The following KIAA0825 variants were observed in gnomAD, a reference collection of about 807,000 sequenced individuals.
The protein encoded by KIAA0825 is uncharacterized protein KIAA0825.
In KIAA0825, 119 loss-of-function variants were observed where a neutral mutation model predicts 147.6. The ratio of observed to expected loss-of-function variants is 0.81; its 90% CI spans 0.69 to 0.94. The LOEUF (loss-of-function observed/expected upper bound fraction) is 0.94. KIAA0825 is among the 40% of genes least tolerant of loss of function. The pLI, the probability that KIAA0825 is intolerant of heterozygous loss-of-function variation, is 0.00. For missense variants in KIAA0825, 1,381 were observed against 1,472.7 expected, an observed-to-expected ratio of 0.94 and a Z score of 1.02; for synonymous variants, 470 against 518.1, an observed-to-expected ratio of 0.91 and a Z score of 1.26.
At chr5:94,296,423 G>A (rs146255481) in intron 20 of KIAA0825, among the ~76,000 whole-genome samples, 2 of 152,004 alleles carry the variant, frequency 1.3e-5, no homozygotes, top group African/African-American at 2.4e-5. Flanking sequence ...ATTTTGTCTC[G>A]CTGGTGTTCC....
At chr5:94,470,565 T>C (rs1218022904) in intron 9 of KIAA0825, among the ~76,000 whole-genome samples, 1 of 152,242 alleles carries the variant, frequency 6.6e-6, no homozygotes, top group African/African-American at 2.4e-5. Flanking sequence ...ATCAATTATC[T>C]CATAAACTGT....
At chr5:94,605,665 C>T (rs887587775) in intron 1 of KIAA0825, among the ~76,000 whole-genome samples, 1 of 152,114 alleles carries the variant, frequency 6.6e-6, no homozygotes, top group Non-Finnish European at 1.5e-5. Context: ...AGACAAAAAC[C>T]ACATGATTAT....
intron 20 of KIAA0825, among the ~76,000 whole-genome samples, chr5:94,155,977 A>C (rs924352033): frequency 5.3e-5 from 8 of 152,218 alleles, no homozygotes; most frequent in African/African-American, 1.9e-4. Context: ...TATGTGGGTG[A>C]AATTGGGTAT....
intron 5 of KIAA0825, among the ~76,000 whole-genome samples, chr5:94,496,877 C>T (rs1449486420): frequency 6.6e-6 from 1 of 152,060 alleles, no homozygotes; most frequent in Non-Finnish European, 1.5e-5. Context: ...TGTTTGCAAG[C>T]CGCTGCGGTT....
intron 20 of KIAA0825, among the ~76,000 whole-genome samples, chr5:94,252,247 A>G (rs1005119941): frequency 6.6e-6 from 1 of 152,032 alleles, no homozygotes; most frequent in African/African-American, 2.4e-5. Context: ...AAGAGCTACA[A>G]ATCAGAGGCT....
intron 2 of KIAA0825, among the ~76,000 whole-genome samples, chr5:94,582,225 G>A (rs1441223262): frequency 6.6e-6 from 1 of 152,178 alleles, no homozygotes; most frequent in Non-Finnish European, 1.5e-5. Context: ...TTGTGTAGAA[G>A]ACTTGGTTAA....
chr5:94,482,162 A>T (rs906835377), intron 6 of KIAA0825, among the ~76,000 whole-genome samples: 4 of 152,108 alleles, frequency 2.6e-5, no homozygotes, highest in African/African-American at 9.7e-5. Flanking sequence ...GAAAATATTT[A>T]TTGTATCTCT....
chr5:94,579,274 C>G (rs2152349409), intron 2 of KIAA0825, among the ~76,000 whole-genome samples: 1 of 152,306 alleles, frequency 6.6e-6, no homozygotes, highest in Non-Finnish European at 1.5e-5. Context: ...ATATAACCTT[C>G]TCCTTATATA....
At chr5:94,568,847 G>A (rs74607802) in intron 2 of KIAA0825, 8 of 157,390 alleles carry the variant, frequency 5.1e-5, no homozygotes, top group African/African-American at 7.3e-5. Context: ...CCAAACCTCC[G>A]CCTCCATCAT....
At position 94,150,966 on chromosome 5, in the gene KIAA0825, A is replaced by G. The variant is rs1408575505; in HGVS notation, c.*3041T>C. Among the ~76,000 whole-genome samples, 1 of 152,196 alleles carries G rather than the reference A, an allele frequency of 6.6e-6. No homozygotes were observed. The highest frequency in any genetic ancestry group is 6.5e-5 in the Admixed American group (1 of 15,278). ...CTCTATATAATTACATAAAAATACA[A>G]TTAAGCAGAACACAGAAGGAAGATC... On this transcript the variant is annotated 3_prime_UTR_variant, in exon 21 of 21. Transcript: ENST00000682413.
At chr5:94,159,225 C>T (rs1196301648) in intron 20 of KIAA0825, among the ~76,000 whole-genome samples, 1 of 152,068 alleles carries the variant, frequency 6.6e-6, no homozygotes, top group Non-Finnish European at 1.5e-5. Flanking sequence ...CAGATTCCTC[C>T]CAGTAGACAT....
intron 1 of KIAA0825, among the ~76,000 whole-genome samples, chr5:94,604,964 G>T (rs912202985): frequency 7.3e-5 from 11 of 151,566 alleles, no homozygotes; most frequent in Non-Finnish European, 1.2e-4. Context: ...TCCAGGAGCT[G>T]GATTTCAAAA....
intron 20 of KIAA0825, among the ~76,000 whole-genome samples, chr5:94,303,158 T>C (rs987362645): frequency 3.3e-5 from 5 of 151,990 alleles, no homozygotes; most frequent in Non-Finnish European, 7.4e-5. Flanking sequence ...TTTACAATGC[T>C]ACCTAGTTTT....
intron 6 of KIAA0825, among the ~76,000 whole-genome samples, chr5:94,478,502 C>T (rs926169091): frequency 2.0e-5 from 3 of 149,242 alleles, no homozygotes; most frequent in African/African-American, 5.1e-5. Context: ...ATTTCCAGGC[C>T]CTCTTGTAAA....
chr5:94,530,476 T>C (rs1442154269), intron 3 of KIAA0825, among the ~76,000 whole-genome samples: 2 of 151,774 alleles, frequency 1.3e-5, no homozygotes, highest in African/African-American at 2.4e-5. Context: ...AAGTAGAAAA[T>C]AAAGGCAACA....
At chr5:94,402,305 T>C (rs1358337908) in intron 16 of KIAA0825, among the ~76,000 whole-genome samples, 4 of 152,030 alleles carry the variant, frequency 2.6e-5, no homozygotes, top group African/African-American at 9.7e-5. Context: ...ACAAGCAAAA[T>C]AGTGCTACTC....
intron 13 of KIAA0825, among the ~76,000 whole-genome samples, chr5:94,452,247 C>T (rs1472261801): frequency 1.3e-5 from 2 of 152,118 alleles, no homozygotes; most frequent in Non-Finnish European, 2.9e-5. Context: ...GGTTTTCACA[C>T]CCTCTATTTA....
At chr5:94,615,806 A>C (rs779473536) in intron 1 of KIAA0825, 2 of 152,052 alleles carry the variant, frequency 1.3e-5, no homozygotes, top group Non-Finnish European at 2.9e-5. Context: ...AAAAGGAATC[A>C]TTCATTCAAT....
chr5:94,361,512 T>G (rs1422543324), intron 20 of KIAA0825, among the ~76,000 whole-genome samples: 1 of 152,308 alleles, frequency 6.6e-6, no homozygotes. Context: ...AGAAGTAAAA[T>G]TATTAAATAA....
Sources: allele counts gnomAD v4.1 joint callset (sites outside exome capture counted in the v4.1 genomes callset), GRCh38; gene constraint gnomAD v4.1.1; transcripts MANE v1.5; gene names NCBI Gene and HGNC (gene_info 2026-07-23, HGNC 2026-07-21).